The following SMC5 variants were observed in gnomAD, a reference collection of about 807,000 sequenced individuals.
The protein encoded by SMC5 is structural maintenance of chromosomes 5, also known as structural maintenance of chromosomes protein 5.
SMC5 carries 88 observed loss-of-function variants against 148.3 expected under a neutral mutation model. The ratio of observed to expected loss-of-function variants is 0.59; its 90% CI spans 0.50 to 0.71. The LOEUF (loss-of-function observed/expected upper bound fraction) is 0.71. Ranked by LOEUF, SMC5 falls within the 30% of genes least tolerant of loss-of-function variation. The probability of loss-of-function intolerance (pLI) is 0.00; values close to 1 mark genes in which losing one functional copy is unlikely to be tolerated. For missense variants in SMC5, 1,142 were observed against 1,298.9 expected (o/e 0.88, Z 1.86); for synonymous variants, 421 against 432.8 (o/e 0.97, Z 0.34).
At chr9:70,283,086 G>A (rs1046058487) in intron 7 of SMC5, among the ~76,000 whole-genome samples, 3 of 152,152 alleles carry the variant, frequency 2.0e-5, no homozygotes, top group African/African-American at 4.8e-5. Context: ...CTAAAATAAC[G>A]CAGTATAGGC....
intron 9 of SMC5, among the ~76,000 whole-genome samples, chr9:70,298,674 A>G (rs2035273694): frequency 6.6e-6 from 1 of 151,756 alleles, no homozygotes; most frequent in African/African-American, 2.4e-5. Flanking sequence ...AATATATATG[A>G]CTAAGATCAG....
intron 17 of SMC5, among the ~76,000 whole-genome samples, chr9:70,330,892 T>A (rs2036202288): frequency 6.6e-6 from 1 of 152,158 alleles, no homozygotes. Flanking sequence ...AAGTAATGGG[T>A]TAAATGAATT....
intron 3 of SMC5, among the ~76,000 whole-genome samples, chr9:70,274,219 T>A (rs1437712067): frequency 1.3e-5 from 2 of 152,180 alleles, no homozygotes; most frequent in Non-Finnish European, 1.5e-5. Context: ...GTAGCTGGGA[T>A]TACAGGCGCC....
chr9:70,352,113 T>C (rs2036819265), intron 24 of SMC5, 78 bp from the exon 25 acceptor site: 14 of 1,268,898 alleles, frequency 1.1e-5, no homozygotes, highest in Non-Finnish European at 1.4e-5. Flanking sequence ...ATAATACATT[T>C]GACTGTACAC....
chr9:70,349,318 C>T (rs2036748638), intron 22 of SMC5, among the ~76,000 whole-genome samples: 1 of 152,164 alleles, frequency 6.6e-6, no homozygotes, highest in Non-Finnish European at 1.5e-5. Flanking sequence ...CCACCCCCCT[C>T]GGCCTCCCAA....
intron 13 of SMC5, 128 bp from the exon 14 acceptor site, chr9:70,318,386 T>TA (rs377420600): frequency 0.047 from 29,002 of 613,846 alleles, 4 homozygotes; most frequent in East Asian, 0.051. Context: ...AGACCCTGTC[T>TA]AAAAAAAAAA....
At chr9:70,309,487 A>G (rs1472180723) in intron 11 of SMC5, among the ~76,000 whole-genome samples, 2 of 151,738 alleles carry the variant, frequency 1.3e-5, no homozygotes, top group African/African-American at 4.8e-5. Context: ...CCCTGCCTCT[A>G]CTTTATCACC....
intron 10 of SMC5, among the ~76,000 whole-genome samples, chr9:70,301,078 ATG>A (rs1321188214): frequency 2.0e-5 from 3 of 152,100 alleles, no homozygotes; most frequent in Non-Finnish European, 4.4e-5. Context: ...TTATTCACAT[ATG>A]TGTTATTAGA....
intron 1 of SMC5, among the ~76,000 whole-genome samples, chr9:70,264,049 G>T (rs940028042): frequency 2.6e-5 from 4 of 151,948 alleles, no homozygotes; most frequent in African/African-American, 7.3e-5. Context: ...AAAGAACAAG[G>T]TATCAAACTT....
intron 18 of SMC5, 200 bp from the exon 19 acceptor site, chr9:70,346,405 C>A: frequency 1.7e-6 from 1 of 598,872 alleles, no homozygotes; most frequent in Non-Finnish European, 3.0e-6. Flanking sequence ...TACTGATTGC[C>A]TCCCCTCAAA....
rs142419214 is a variant in SMC5 at position 70,283,671 on chromosome 9, T to C, written c.981+1088T>C. On this transcript the variant is annotated intron_variant, in intron 7 of 24. Coordinates refer to ENST00000361138, the MANE Select transcript of SMC5 (RefSeq NM_015110.4). ...TGATGTTGGCCACTGTGCTTGAAGATGGGTGTCAGTGATGGTAAAGGGTGG... is the reference window on the plus strand; with the variant it reads ...TGATGTTGGCCACTGTGCTTGAAGACGGGTGTCAGTGATGGTAAAGGGTGG... Among the ~76,000 whole-genome samples the C allele has an allele frequency of 4.1e-3, 619 of 152,234 alleles. 2 individuals carry two copies. The highest frequency in any genetic ancestry group is 0.014 in the African/African-American group (588 of 41,538).
chr9:70,303,308 T>C (rs2035410531), intron 10 of SMC5, among the ~76,000 whole-genome samples: 1 of 132,236 alleles, frequency 7.6e-6, no homozygotes, highest in African/African-American at 2.5e-5. Context: ...TATCTATAAT[T>C]ATATTTTTTT....
chr9:70,290,863 A>C (rs770339973), intron 8 of SMC5, among the ~76,000 whole-genome samples: 20 of 152,204 alleles, frequency 1.3e-4, no homozygotes, highest in Non-Finnish European at 2.2e-4. Context: ...TTCTCAGGGC[A>C]AACAGAAAAA....
intron 9 of SMC5, among the ~76,000 whole-genome samples, chr9:70,299,412 C>T (rs1436533445): frequency 6.6e-6 from 1 of 151,612 alleles, no homozygotes; most frequent in Non-Finnish European, 1.5e-5. Context: ...CTCCTGAGTC[C>T]CATAGCCTTC....
At chr9:70,338,075 C>T (rs904851606) in intron 17 of SMC5, among the ~76,000 whole-genome samples, 2 of 152,076 alleles carry the variant, frequency 1.3e-5, no homozygotes, top group African/African-American at 4.8e-5. Context: ...AGTGCGGTGG[C>T]ATGGTCAACA....
rs556305815 is a variant in SMC5, at chr9:70,298,502, T to A, written c.1309+281T>A. The stretch of plus-strand genomic sequence containing the variant: ...ATTTTCTTTACAAAGTCACTCACTA[T>A]TACTCATATCAAATTTAAGCTCTTT... On this transcript the variant is annotated intron_variant, in intron 9 of 24. Coordinates refer to ENST00000361138, the MANE Select transcript of SMC5 (RefSeq NM_015110.4). Among the ~76,000 whole-genome samples, 13 of 152,276 alleles carry A rather than the reference T, an allele frequency of 8.5e-5. No homozygotes were observed. The South Asian group carries it at 2.3e-3, about 27-fold the overall frequency.
intron 6 of SMC5, among the ~76,000 whole-genome samples, chr9:70,281,180 G>A (rs1311151581): frequency 6.6e-6 from 1 of 151,982 alleles, no homozygotes; most frequent in Non-Finnish European, 1.5e-5. Context: ...GGGATTATAG[G>A]CATGTGCCAC....
intron 11 of SMC5, among the ~76,000 whole-genome samples, chr9:70,310,234 T>C (rs191710054): frequency 2.6e-5 from 4 of 152,366 alleles, no homozygotes; most frequent in African/African-American, 9.6e-5. Flanking sequence ...CATAGTGTTA[T>C]GAAATGTGTT....
intron 2 of SMC5, among the ~76,000 whole-genome samples, chr9:70,266,723 A>G (rs1047645141): frequency 6.6e-6 from 1 of 152,212 alleles, no homozygotes; most frequent in African/African-American, 2.4e-5. Context: ...ATTTTTGTTT[A>G]AATGCTAATA....
Sources: allele counts gnomAD v4.1 joint callset (sites outside exome capture counted in the v4.1 genomes callset), GRCh38; gene constraint gnomAD v4.1.1; transcripts MANE v1.5; gene names NCBI Gene and HGNC (gene_info 2026-07-23, HGNC 2026-07-21).